KDM3A: variants seen among roughly 807,000 people sequenced by gnomAD.
The protein encoded by KDM3A is lysine demethylase 3A, also known as lysine-specific demethylase 3A.
In KDM3A, 60 loss-of-function variants were observed where a neutral mutation model predicts 158.0. The ratio of observed to expected loss-of-function variants is 0.38; its 90% confidence interval spans 0.31 to 0.47. KDM3A has a LOEUF of 0.47. Among genes scored for constraint, KDM3A ranks in the 20% least tolerant of loss-of-function variants. The pLI is 0.99. For missense variants in KDM3A, 1,319 were observed against 1,574.3 expected (o/e 0.84, Z 2.74); for synonymous variants, 608 against 549.3 (o/e 1.11, Z -1.49).
rs773839301 is a variant in KDM3A at position 86,485,717 on chromosome 2, C to T, written c.3183-12C>T. 4 of 1,611,424 alleles carry T rather than the reference C, an allele frequency of 2.5e-6. No individual in the cohort carries two copies. Among genetic ancestry groups the T allele is most frequent in the Admixed American group, 1.7e-5 (1 of 59,924 alleles). ...AATCTAACTTTGCAAATTCCTGGTT[C>T]TGTTGTTCTAGGTTTGATGATCTGA... On this transcript the variant is annotated splice_polypyrimidine_tract_variant and intron_variant, in intron 20 of 25. Transcript: ENST00000312912.
chr2:86,453,172 GA>G (rs1252878744), intron 4 of KDM3A, among the ~76,000 whole-genome samples: 1 of 152,162 alleles, frequency 6.6e-6, no homozygotes, highest in Non-Finnish European at 1.5e-5. Flanking sequence ...TTCTCGGGAA[GA>G]GGGGCTGTGG....
At chr2:86,456,737 A>G (rs1672716216) in intron 6 of KDM3A, 68 bp from the exon 7 acceptor site, 2 of 1,366,630 alleles carry the variant, frequency 1.5e-6, no homozygotes, top group Middle Eastern at 2.0e-4. Flanking sequence ...TATGTTAATG[A>G]ACCTGATTTT....
rs1365803398 is a variant in KDM3A at position 86,479,782 on chromosome 2, G to C, written c.2317-385G>C. On this transcript the variant is annotated intron_variant, in intron 15 of 25. Coordinates refer to ENST00000312912, the MANE Select transcript of KDM3A (RefSeq NM_018433.6). ...CTGAAATCACCGCTTTACCTTTCCTGCCTGCGTCATTTATTCGTTTTTAAC... is the reference window on the plus strand; with the variant it reads ...CTGAAATCACCGCTTTACCTTTCCTCCCTGCGTCATTTATTCGTTTTTAAC... The C allele has an allele frequency of 1.8e-5, 3 of 162,294 alleles. No individual in the cohort carries two copies. The East Asian group carries it at 5.4e-4, about 29-fold the overall frequency. 10.1% of individuals were successfully genotyped at this position (162,294 alleles called of 1,614,324 possible).
At position 86,489,339 on chromosome 2, in the gene KDM3A, G is replaced by T. The variant is rs201485490; in HGVS notation, c.3335G>T (p.Arg1112Leu). 2.5e-6 allele frequency: 4 copies of T among 1,613,810 alleles called. No homozygotes were observed. Among genetic ancestry groups the T allele is most frequent in the Non-Finnish European group, 3.4e-6 (4 of 1,179,864 alleles). Reference protein sequence around the residue: ...NAYGLITPEDRKYGTTNLHLD... With the variant: ...NAYGLITPEDLKYGTTNLHLD... ...GCAGGATTAATCACTCCTGAAGATC[G>T]GAAATATGGAACAACAAATCTTCAC... The change falls in exon 22 of 26, where the codon CGG (arginine) becomes CTG (leucine). Residue 1112 changes from arginine to leucine, a missense_variant. This residue lies in a region of KDM3A where 186 missense variants were observed against 340.9 expected (regional missense o/e 0.55). Transcript: ENST00000312912.
chr2:86,491,657 CAA>C lies in KDM3A; in HGVS notation c.3886-380_3886-379del, dbSNP rs1219485599. On this transcript the variant is annotated intron_variant, in intron 25 of 25. Coordinates refer to ENST00000312912, the MANE Select transcript of KDM3A (RefSeq NM_018433.6). The stretch of plus-strand genomic sequence containing the variant: ...AGAGCAGAACTGAATCTCTGAGACT[CAA>C]AGAGGTCTGAGGGGGTGGTATTTTC... 39 of 301,856 alleles carry C rather than the reference CAA, an allele frequency of 1.3e-4. No homozygotes were observed. In the East Asian group the frequency reaches 2.5e-3, roughly 19 times the overall value. The allele number at this position is 301,856 out of a possible 1,614,324, so 18.7% of individuals were successfully genotyped here. A position where few individuals can be genotyped will look rare whatever the true frequency, so the allele number is the denominator to read the frequency against.
At chr2:86,443,028 A>G (rs1040914744) in intron 2 of KDM3A, 2 of 152,122 alleles carry the variant, frequency 1.3e-5, no homozygotes, top group Admixed American at 1.3e-4. Context: ...TGTGCTCCCT[A>G]ATAGAAGTAT....
At chr2:86,475,078 T>A (rs975565655) in intron 12 of KDM3A, 88 bp downstream of exon 12, 1 of 1,045,320 alleles carries the variant, frequency 9.6e-7, no homozygotes, top group Non-Finnish European at 1.4e-6. Flanking sequence ...GCTTGGGTTT[T>A]TTTTCACCCA....
chr2:86,480,097 G>C, intron 15 of KDM3A, 70 bp from the exon 16 acceptor site: 2 of 1,215,936 alleles, frequency 1.6e-6, no homozygotes, highest in Middle Eastern at 2.7e-4. Context: ...CGGCTATTAG[G>C]AGAGAAGAAA....
In KDM3A at chr2:86,441,901, C is replaced by A. The variant is rs1363706132; in HGVS notation, c.-30-117C>A. On this transcript the variant is annotated intron_variant, in intron 1 of 25. Coordinates refer to ENST00000312912, the MANE Select transcript of KDM3A (RefSeq NM_018433.6). ...GCAGGAGGGGGGCTCGGTGCGGGTC[C>A]GCCCGGGGCCGCGTCCTCGCGCGGG... 30 of 704,190 alleles carry A rather than the reference C, an allele frequency of 4.3e-5. 1 individual carries two copies. In the East Asian group the frequency reaches 1.1e-3, roughly 26 times the overall value. The allele number at this position is 704,190 out of a possible 1,614,324, so 43.6% of individuals were successfully genotyped here.
chr2:86,441,420 G>A lies in KDM3A; in HGVS notation c.-55G>A, dbSNP rs1296819320. On this transcript the variant is annotated 5_prime_UTR_variant, in exon 1 of 26. It adds an upstream start codon to the 5' untranslated region. Transcript: ENST00000312912. ...CGGCTGGAAACGGCGGCTGCCGCCG[G>A]TGACTCAGGGAGGCGGGAGGCGGGG... is the stretch of plus-strand genomic sequence containing the variant. The A allele has an allele frequency of 1.3e-5, 2 of 152,384 alleles. No individual in the cohort carries two copies. The highest frequency in any genetic ancestry group is 4.8e-5 in the African/African-American group (2 of 41,434). The allele number at this position is 152,384 out of a possible 1,614,324, so 9.4% of individuals were successfully genotyped here. A position where few individuals can be genotyped will look rare whatever the true frequency, so the allele number is the denominator to read the frequency against.
intron 2 of KDM3A, 184 bp downstream of exon 2, chr2:86,442,417 C>T (rs953879758): frequency 3.3e-6 from 2 of 598,128 alleles, no homozygotes; most frequent in Non-Finnish European, 5.8e-6. Context: ...TGTGTTTGGC[C>T]CACAGCTCCT....
chr2:86,464,369 A>G (rs987820075), intron 9 of KDM3A, among the ~76,000 whole-genome samples, 153 bp downstream of exon 9: 9 of 152,220 alleles, frequency 5.9e-5, no homozygotes, highest in African/African-American at 2.2e-4. Context: ...AAAAGTATAG[A>G]AGGCACACAG....
chr2:86,437,702 T>C (rs565865751), upstream of KDM3A, among the ~76,000 whole-genome samples: 6 of 152,320 alleles, frequency 3.9e-5, no homozygotes, highest in South Asian at 1.0e-3. Flanking sequence ...CAAAGTCTAA[T>C]TTTCTTCATA....
At position 86,466,515 on chromosome 2, in the gene KDM3A, C is replaced by T. The variant is rs757331698; in HGVS notation, c.1151C>T (p.Thr384Ile). The T allele has an allele frequency of 6.2e-7, 1 of 1,613,946 alleles. No individual in the cohort carries two copies. Among genetic ancestry groups the T allele is most frequent in the Non-Finnish European group, 8.5e-7 (1 of 1,179,862 alleles). ...GGAACTGGAGACTTGAAAATTCTGA[C>T]TGAGCCAAAAGGCAGCTGTACTCAG... is the stretch of plus-strand genomic sequence containing the variant. ...QIGTGDLKIL[T>I]EPKGSCTQPK... Residue 384 changes from threonine (T) to isoleucine (I), a missense_variant, in exon 10 of 26, where the codon ACT becomes ATT. By Grantham distance (89) the Thr-to-Ile change is moderately conservative. This residue lies in a region of KDM3A where 652 missense variants were observed against 627.2 expected (regional missense o/e 1.04). Coordinates refer to ENST00000312912, the MANE Select transcript of KDM3A (RefSeq NM_018433.6).
intron 12 of KDM3A, 43 bp from the exon 13 acceptor site, chr2:86,477,828 TCAGAAG>T (rs1283167096): frequency 6.5e-7 from 1 of 1,534,196 alleles, no homozygotes; most frequent in South Asian, 1.3e-5. Context: ...GTTTTTGGTT[TCAGAAG>T]CCCTCTCCTT....
Position 86,485,192 on chromosome 2 carries a change from T to G in KDM3A, c.3182+163T>G, listed in dbSNP as rs2104706441. Among the ~76,000 whole-genome samples the G allele has an allele frequency of 1.3e-5, 2 of 152,376 alleles. 1 individual carries two copies. Among genetic ancestry groups the G allele is most frequent in the Non-Finnish European group, 2.9e-5 (2 of 68,036 alleles). ...AGTCTGTAGTCATTGGAGGCATGTT[T>G]ATTTTTAGATGAGATGAAGAAGTGA... is the stretch of plus-strand genomic sequence containing the variant. On this transcript the variant is annotated intron_variant, in intron 20 of 25. Transcript: ENST00000312912.
At chr2:86,453,738 G>GT (rs1672568867) in intron 4 of KDM3A, among the ~76,000 whole-genome samples, 1 of 152,132 alleles carries the variant, frequency 6.6e-6, no homozygotes, top group Admixed American at 6.5e-5. Context: ...CTCTTATGGA[G>GT]TCCCTAGGTT....
chr2:86,489,616 A>G lies in KDM3A; in HGVS notation c.3530A>G (p.Tyr1177Cys). Reference protein sequence around the residue: ...KEKPGALWHIYAAKDTEKIRE... With the variant: ...KEKPGALWHICAAKDTEKIRE... ...AAGCCAGGAGCACTGTGGCACATAT[A>G]TGCTGCAAAGGACACGGAGAAGATA... Residue 1177 changes from tyrosine (Y) to cysteine (C), a missense_variant, in exon 23 of 26, where the codon TAT (tyrosine) becomes TGT (cysteine). Physicochemically the swap from Tyr to Cys is radical, Grantham distance 194 (BLOSUM62 -2). This residue lies in a region of KDM3A where 186 missense variants were observed against 340.9 expected (regional missense o/e 0.55). Coordinates refer to ENST00000312912, the MANE Select transcript of KDM3A (RefSeq NM_018433.6). 1 of 1,613,940 alleles carries G rather than the reference A, an allele frequency of 6.2e-7. No individual in the cohort carries two copies. Among genetic ancestry groups the G allele is most frequent in the Non-Finnish European group, 8.5e-7 (1 of 1,179,920 alleles).
intron 4 of KDM3A, 103 bp downstream of exon 4, chr2:86,451,316 A>T (rs1249249178): frequency 1.5e-6 from 1 of 665,994 alleles, no homozygotes; most frequent in African/African-American, 1.8e-5. Flanking sequence ...GGTATTATGG[A>T]TGCCTACTCC....
Sources: allele counts gnomAD v4.1 joint callset (sites outside exome capture counted in the v4.1 genomes callset), GRCh38; gene constraint gnomAD v4.1.1; regional missense constraint gnomAD v4.1.1; transcripts MANE v1.5; gene names NCBI Gene and HGNC (gene_info 2026-07-23, HGNC 2026-07-21).